The following COX10 variants were observed in gnomAD, a reference collection of about 807,000 sequenced individuals.
The protein encoded by COX10 is cytochrome c oxidase assembly factor heme A:farnesyltransferase COX10, also known as protoheme IX farnesyltransferase, mitochondrial.
Under a neutral mutation model 37.3 loss-of-function variants are expected in COX10, and 27 were observed. The observed-to-expected ratio is 0.72, with a 90% confidence interval of 0.53 to 1.00. The LOEUF is 1.00. Among genes scored for constraint, COX10 ranks in the 50% least tolerant of loss-of-function variants. The probability of loss-of-function intolerance (pLI) is 0.00; values close to 1 mark genes in which losing one functional copy is unlikely to be tolerated. For synonymous variants in COX10, 222 were observed against 229.1 expected (o/e 0.97, Z 0.28); for missense variants, 475 against 563.2 (o/e 0.84, Z 1.59).
intron 4 of COX10, among the ~76,000 whole-genome samples, chr17:14,145,730 G>T (rs990484781): frequency 6.6e-6 from 1 of 152,084 alleles, no homozygotes; most frequent in African/African-American, 2.4e-5. Flanking sequence ...AGATCACTTC[G>T]ACTATTCTGT....
chr17:14,182,865 A>AT (rs1450577596), intron 5 of COX10, among the ~76,000 whole-genome samples: 2 of 150,952 alleles, frequency 1.3e-5, no homozygotes, highest in South Asian at 2.1e-4. Context: ...GAAAAGCCAC[A>AT]TTTTTCCAGG....
chr17:14,110,012 A>G (rs189476579), intron 4 of COX10, among the ~76,000 whole-genome samples: 31 of 152,248 alleles, frequency 2.0e-4, no homozygotes, highest in African/African-American at 7.2e-4. Context: ...CAGAAAAAAA[A>G]GAACTATTTT....
At chr17:14,109,463 A>C (rs1473518753) in intron 4 of COX10, among the ~76,000 whole-genome samples, 1 of 152,190 alleles carries the variant, frequency 6.6e-6, no homozygotes, top group African/African-American at 2.4e-5. Context: ...TGATAATTCG[A>C]ACGTATATTT....
chr17:14,146,236 A>G (rs1323707757), intron 4 of COX10, among the ~76,000 whole-genome samples: 1 of 152,154 alleles, frequency 6.6e-6, no homozygotes, highest in Non-Finnish European at 1.5e-5. Flanking sequence ...GAGCTATAGT[A>G]TACAAAGCTA....
chr17:14,091,931 T>G (rs1418357656), intron 3 of COX10, among the ~76,000 whole-genome samples: 1 of 152,176 alleles, frequency 6.6e-6, no homozygotes, highest in Non-Finnish European at 1.5e-5. Context: ...AACTACATGT[T>G]TCTGCTTCTT....
At chr17:14,101,383 A>G (rs542393643) in intron 3 of COX10, among the ~76,000 whole-genome samples, 2 of 152,242 alleles carry the variant, frequency 1.3e-5, no homozygotes, top group South Asian at 4.2e-4. Flanking sequence ...AGATTTGCCC[A>G]CCAATGGTGA....
At chr17:14,076,481 A>G (rs192231687) in intron 2 of COX10, among the ~76,000 whole-genome samples, 1 of 152,300 alleles carries the variant, frequency 6.6e-6, no homozygotes, top group East Asian at 1.9e-4. Flanking sequence ...CTTTCAAGGA[A>G]CATATATTTC....
intron 3 of COX10, among the ~76,000 whole-genome samples, chr17:14,098,325 C>A (rs1021991465): frequency 6.6e-6 from 1 of 152,120 alleles, no homozygotes; most frequent in East Asian, 1.9e-4. Context: ...ATACTATCAG[C>A]CTTTCTTCTG....
chr17:14,110,015 A>G (rs946104521), intron 4 of COX10, among the ~76,000 whole-genome samples: 8 of 152,094 alleles, frequency 5.3e-5, no homozygotes, highest in African/African-American at 1.9e-4. Flanking sequence ...AAAAAAAAGA[A>G]CTATTTTGGA....
intron 4 of COX10, among the ~76,000 whole-genome samples, chr17:14,143,531 A>G (rs953620052): frequency 6.6e-6 from 1 of 152,168 alleles, no homozygotes; most frequent in African/African-American, 2.4e-5. Flanking sequence ...TGGAACAAAC[A>G]GAGTCGTTAA....
intron 3 of COX10, among the ~76,000 whole-genome samples, chr17:14,093,402 G>C (rs145371130): frequency 6.6e-6 from 1 of 152,196 alleles, no homozygotes; most frequent in African/African-American, 2.4e-5. Context: ...TTATGCTTAT[G>C]CTTAGAGACC....
intron 4 of COX10, among the ~76,000 whole-genome samples, chr17:14,135,087 C>G (rs1380569937): frequency 6.6e-6 from 1 of 151,536 alleles, no homozygotes; most frequent in African/African-American, 2.4e-5. Flanking sequence ...GATGAGATGT[C>G]TGTTCTAGTG....
intron 4 of COX10, among the ~76,000 whole-genome samples, chr17:14,135,955 C>T (rs967259738): frequency 2.0e-5 from 3 of 151,830 alleles, no homozygotes; most frequent in Non-Finnish European, 4.4e-5. Context: ...TTTCTTCAGG[C>T]ATTTTTAATT....
At chr17:14,131,915 G>A (rs1484014921) in intron 4 of COX10, among the ~76,000 whole-genome samples, 1 of 151,834 alleles carries the variant, frequency 6.6e-6, no homozygotes, top group Non-Finnish European at 1.5e-5. Context: ...AAAAAAACTG[G>A]GAAATTAAAT....
In COX10 at chr17:14,074,418, T is replaced by C. The variant is rs1170404445; in HGVS notation, c.139T>C (p.Trp47Arg). The change falls in exon 2 of 7, where the codon TGG becomes CGG. Residue 47 changes from tryptophan to arginine, a missense_variant. Physicochemically the swap from Trp to Arg is moderately radical, Grantham distance 101 (BLOSUM62 -3). Coordinates refer to ENST00000261643, the MANE Select transcript of COX10 (RefSeq NM_001303.4). ...LHLLRNVNKQ[W>R]ITFQHFSFLK... ...TCTTCTCAGGAATGTCAATAAGCAG[T>C]GGATTACATTTCAGCACTTTAGCTT... is the stretch of plus-strand genomic sequence containing the variant. 4 of 1,613,980 alleles carry C rather than the reference T, an allele frequency of 2.5e-6. No individual in the cohort carries two copies. The East Asian group carries it at 8.9e-5, about 36-fold the overall frequency.
intron 3 of COX10, among the ~76,000 whole-genome samples, chr17:14,097,122 G>T (rs770744937): frequency 6.6e-6 from 1 of 152,106 alleles, no homozygotes; most frequent in Non-Finnish European, 1.5e-5. Flanking sequence ...CTTTTAATGA[G>T]ATTTTGCTGT....
At chr17:14,147,090 G>C (rs1904742842) in intron 4 of COX10, among the ~76,000 whole-genome samples, 1 of 152,064 alleles carries the variant, frequency 6.6e-6, no homozygotes, top group South Asian at 2.1e-4. Context: ...CAGTTTGGAG[G>C]TTCCTCAAAA....
rs1262477519 is a variant in COX10 at position 14,207,397 on chromosome 17, A to G, written c.*184A>G. ...TACCCAAAATGCTCCCCAAATAAGA[A>G]ATGCATCAGCTCAGTCAGTGAATAC... On this transcript the variant is annotated 3_prime_UTR_variant, in exon 7 of 7. Transcript: ENST00000261643. 1.3e-5 allele frequency: 10 copies of G among 750,424 alleles called. No homozygotes were observed. Among genetic ancestry groups the G allele is most frequent in the Middle Eastern group, 3.9e-4 (1 of 2,548 alleles). 46.5% of individuals were successfully genotyped at this position (750,424 alleles called of 1,614,324 possible).
chr17:14,123,329 A>G (rs1051665696), intron 4 of COX10, among the ~76,000 whole-genome samples: 3 of 152,158 alleles, frequency 2.0e-5, no homozygotes, highest in South Asian at 4.1e-4. Flanking sequence ...CGTATTCACA[A>G]TCTATCATAG....
Sources: gnomAD v4.1 joint callset for allele counts (sites outside exome capture counted in the v4.1 genomes callset) on GRCh38, gnomAD v4.1.1 for gene constraint, MANE v1.5 for transcripts, NCBI Gene and HGNC (gene_info 2026-07-23, HGNC 2026-07-21) for gene names.